EPHA6: variants seen among roughly 807,000 people sequenced by gnomAD.
EPHA6 encodes the protein EPH receptor A6.
EPHA6 carries 50 observed loss-of-function variants against 112.0 expected under a neutral mutation model. The observed-to-expected ratio is 0.45, with a 90% confidence interval of 0.36 to 0.56. The LOEUF is 0.56. Ranked by LOEUF, EPHA6 falls within the 20% of genes least tolerant of loss-of-function variation. EPHA6 has a pLI of 0.00. For synonymous variants in EPHA6, 529 were observed against 490.7 expected, an observed-to-expected ratio of 1.08 and a Z score of -1.03; for missense variants, 1,280 against 1,417.4, an observed-to-expected ratio of 0.90 and a Z score of 1.56.
At chr3:96,836,097 C>T (rs1408404338) in intron 1 of EPHA6, among the ~76,000 whole-genome samples, 4 of 151,940 alleles carry the variant, frequency 2.6e-5, no homozygotes, top group Admixed American at 1.3e-4. Flanking sequence ...CAGCACTTGA[C>T]AAGTAGCTTT....
At chr3:97,523,835 A>C (rs1448155173) in intron 10 of EPHA6, among the ~76,000 whole-genome samples, 2 of 151,904 alleles carry the variant, frequency 1.3e-5, no homozygotes, top group Non-Finnish European at 2.9e-5. Context: ...ATCTTGACTA[A>C]AAGGAGGTCA....
chr3:97,355,399 T>G (rs928803641), intron 5 of EPHA6, among the ~76,000 whole-genome samples: 2 of 152,236 alleles, frequency 1.3e-5, no homozygotes, highest in Non-Finnish European at 2.9e-5. Context: ...GTTAGTTATC[T>G]CTTTTTTTGT....
intron 2 of EPHA6, among the ~76,000 whole-genome samples, chr3:96,887,212 G>A (rs1233876851): frequency 2.7e-5 from 4 of 147,466 alleles, no homozygotes; most frequent in African/African-American, 5.3e-5. Flanking sequence ...TTCTCATTTG[G>A]GTAGGCTCTG....
intron 4 of EPHA6, among the ~76,000 whole-genome samples, chr3:97,242,406 C>T (rs1182023508): frequency 6.6e-6 from 1 of 151,878 alleles, no homozygotes; most frequent in Non-Finnish European, 1.5e-5. Flanking sequence ...ATTCTCCTCA[C>T]CACCTCTATG....
chr3:97,449,242 G>A (rs1279932252), intron 7 of EPHA6, among the ~76,000 whole-genome samples: 1 of 152,098 alleles, frequency 6.6e-6, no homozygotes, highest in African/African-American at 2.4e-5. Flanking sequence ...AATGGGAGAT[G>A]AAGGGAGTGA....
At chr3:97,276,746 G>C (rs998642047) in intron 5 of EPHA6, among the ~76,000 whole-genome samples, 1 of 152,072 alleles carries the variant, frequency 6.6e-6, no homozygotes, top group Non-Finnish European at 1.5e-5. Flanking sequence ...AGCATCTCAG[G>C]GTTGCTGCCA....
chr3:97,319,905 GT>G (rs2082028197), intron 5 of EPHA6, among the ~76,000 whole-genome samples: 1 of 151,948 alleles, frequency 6.6e-6, no homozygotes, highest in Non-Finnish European at 1.5e-5. Flanking sequence ...TGTAGGGGTA[GT>G]TTTAGAATTC....
chr3:96,903,984 T>C (rs1037814725), intron 2 of EPHA6, among the ~76,000 whole-genome samples: 9 of 152,068 alleles, frequency 5.9e-5, no homozygotes, highest in Non-Finnish European at 5.9e-5. Context: ...CCTGGAGAAA[T>C]AGAAACACTT....
intron 14 of EPHA6, among the ~76,000 whole-genome samples, chr3:97,663,142 G>A (rs571666711): frequency 4.3e-4 from 65 of 152,172 alleles, no homozygotes; most frequent in Non-Finnish European, 9.1e-4. Flanking sequence ...AGTATCATGG[G>A]GTAGGACAAA....
intron 14 of EPHA6, among the ~76,000 whole-genome samples, chr3:97,712,947 G>A (rs1231010821): frequency 1.3e-5 from 2 of 152,166 alleles, no homozygotes; most frequent in Non-Finnish European, 2.9e-5. Flanking sequence ...CAAAGCTGAT[G>A]ATTTAGCTAT....
At chr3:97,143,871 T>C (rs139029045) in intron 3 of EPHA6, among the ~76,000 whole-genome samples, 89 of 151,802 alleles carry the variant, frequency 5.9e-4, no homozygotes, top group African/African-American at 2.1e-3. Context: ...CATTGTAAGC[T>C]ATGTGTGTAT....
intron 3 of EPHA6, among the ~76,000 whole-genome samples, 158 bp downstream of exon 3, chr3:96,988,151 A>G (rs559798877): frequency 6.6e-6 from 1 of 152,218 alleles, no homozygotes; most frequent in Admixed American, 6.5e-5. Context: ...TAGTTAATAT[A>G]TCCATCATCT....
intron 11 of EPHA6, among the ~76,000 whole-genome samples, chr3:97,546,895 T>C (rs1001053496): frequency 6.6e-6 from 1 of 152,236 alleles, no homozygotes; most frequent in Non-Finnish European, 1.5e-5. Flanking sequence ...GTAGCTCTCA[T>C]GCCTTGGTTT....
chr3:97,664,020 C>T (rs1286752823), intron 14 of EPHA6, among the ~76,000 whole-genome samples: 2 of 152,250 alleles, frequency 1.3e-5, no homozygotes, highest in East Asian at 1.9e-4. Flanking sequence ...TTTTAATGAT[C>T]ACCATTCTAA....
chr3:97,682,614 C>T (rs1215694669), intron 14 of EPHA6, among the ~76,000 whole-genome samples: 1 of 152,046 alleles, frequency 6.6e-6, no homozygotes, highest in Admixed American at 6.6e-5. Flanking sequence ...GTAATGATCT[C>T]CCTATTACAT....
intron 6 of EPHA6, among the ~76,000 whole-genome samples, chr3:97,407,544 C>A (rs1577276135): frequency 6.6e-6 from 1 of 151,738 alleles, no homozygotes; most frequent in Non-Finnish European, 1.5e-5. Context: ...AAACATATTG[C>A]TTTATGGGTT....
At chr3:97,284,203 G>A (rs1559851241) in intron 5 of EPHA6, among the ~76,000 whole-genome samples, 2 of 152,114 alleles carry the variant, frequency 1.3e-5, no homozygotes, top group East Asian at 3.9e-4. Context: ...TAAAAGTATA[G>A]TCAATACTTC....
chr3:96,879,631 C>T (rs954094378), intron 2 of EPHA6, among the ~76,000 whole-genome samples: 1 of 152,108 alleles, frequency 6.6e-6, no homozygotes, highest in Admixed American at 6.6e-5. Flanking sequence ...CTGGTTCTTC[C>T]CATCCATGAG....
In EPHA6 at chr3:97,756,677, T is replaced by C. The variant is rs948488088; in HGVS notation, c.*7976T>C. Among the ~76,000 whole-genome samples the C allele has an allele frequency of 6.6e-6, 1 of 151,838 alleles. No homozygotes were observed. Among genetic ancestry groups the C allele is most frequent in the Admixed American group, 6.6e-5 (1 of 15,240 alleles). ...ATGTAGCTTTGATAAAATTTTATGG[T>C]TTTTAGGCCTCTTAGAGTAAAAAAA... On this transcript the variant is annotated 3_prime_UTR_variant, in exon 18 of 18. Coordinates refer to ENST00000389672, the MANE Select transcript of EPHA6 (RefSeq NM_001080448.3).
Sources: gnomAD v4.1 joint callset for allele counts (sites outside exome capture counted in the v4.1 genomes callset) on GRCh38, gnomAD v4.1.1 for gene constraint, MANE v1.5 for transcripts, NCBI Gene and HGNC (gene_info 2026-07-23, HGNC 2026-07-21) for gene names.